The following TRAPPC9 variants were observed in gnomAD, a reference collection of about 807,000 sequenced individuals.
The protein encoded by TRAPPC9 is IKK2 binding protein.
Under a neutral mutation model 124.0 loss-of-function variants are expected in TRAPPC9, and 83 were observed. The observed-to-expected ratio is 0.67, with a 90% CI of 0.56 to 0.80. The LOEUF (loss-of-function observed/expected upper bound fraction) is 0.80, where lower values mean the gene tolerates loss of function less well. Among genes scored for constraint, TRAPPC9 ranks in the 30% least tolerant of loss-of-function variants. TRAPPC9 has a pLI of 0.00. For missense variants in TRAPPC9, 1,302 were observed against 1,508.3 expected, an observed-to-expected ratio of 0.86 and a Z score of 2.27; for synonymous variants, 638 against 617.5, an observed-to-expected ratio of 1.03 and a Z score of -0.49.
chr8:139,777,803 C>A (rs1276588499), intron 21 of TRAPPC9, among the ~76,000 whole-genome samples: 1 of 152,156 alleles, frequency 6.6e-6, no homozygotes, highest in Non-Finnish European at 1.5e-5. Flanking sequence ...AGAGAAAAGA[C>A]ACAAATGAAG....
chr8:140,330,271 AG>A (rs1247176416), intron 9 of TRAPPC9, among the ~76,000 whole-genome samples: 2 of 152,180 alleles, frequency 1.3e-5, no homozygotes, highest in Non-Finnish European at 2.9e-5. Flanking sequence ...ATATACATCC[AG>A]GTAGCATAAT....
intron 17 of TRAPPC9, among the ~76,000 whole-genome samples, chr8:140,033,670 T>TTTTTTG (rs1563706719): frequency 5.4e-4 from 42 of 78,242 alleles, no homozygotes; most frequent in South Asian, 1.4e-3. Flanking sequence ...TTTTTTTTTT[T>TTTTTTG]TTTTTTTTTT....
At chr8:140,263,995 T>C (rs561392610) in intron 15 of TRAPPC9, among the ~76,000 whole-genome samples, 117 of 152,168 alleles carry the variant, frequency 7.7e-4, no homozygotes, top group Middle Eastern at 6.8e-3. Flanking sequence ...CCCAAGACAC[T>C]CCACTCTATG....
chr8:139,976,302 T>C (rs1196876583), intron 19 of TRAPPC9, among the ~76,000 whole-genome samples: 7 of 152,148 alleles, frequency 4.6e-5, no homozygotes, highest in Admixed American at 4.6e-4. Context: ...ATTATGGACA[T>C]AAATGTAAGA....
chr8:140,080,909 G>T (rs1234703337), intron 17 of TRAPPC9, among the ~76,000 whole-genome samples: 1 of 152,172 alleles, frequency 6.6e-6, no homozygotes, highest in African/African-American at 2.4e-5. Context: ...AGAGCACAAA[G>T]GGTTTCATGT....
At chr8:140,435,059 G>C in intron 4 of TRAPPC9, 53 bp downstream of exon 4, 1 of 1,613,540 alleles carries the variant, frequency 6.2e-7, no homozygotes, top group South Asian at 1.1e-5. Flanking sequence ...AAATGAGTCT[G>C]CTTTATTTAA....
intron 21 of TRAPPC9, among the ~76,000 whole-genome samples, chr8:139,755,754 AG>A (rs71520231): frequency 7.4e-6 from 1 of 135,740 alleles, no homozygotes. Flanking sequence ...AGCAGGTCGC[AG>A]GGGGAGCCAG....
At chr8:139,839,094 G>C (rs1171809144) in intron 21 of TRAPPC9, among the ~76,000 whole-genome samples, 1 of 152,222 alleles carries the variant, frequency 6.6e-6, no homozygotes, top group Non-Finnish European at 1.5e-5. Context: ...TCTCCCTCAG[G>C]GTGCATCTTT....
At chr8:139,983,724 G>A (rs924438242) in intron 19 of TRAPPC9, among the ~76,000 whole-genome samples, 1 of 152,090 alleles carries the variant, frequency 6.6e-6, no homozygotes, top group African/African-American at 2.4e-5. Context: ...ACCAAAGGCT[G>A]CACAGAGCAG....
chr8:139,770,294 G>A (rs988089968), intron 21 of TRAPPC9, among the ~76,000 whole-genome samples: 6 of 152,220 alleles, frequency 3.9e-5, no homozygotes, highest in African/African-American at 7.2e-5. Flanking sequence ...CTGGGACCTC[G>A]ACCTGAAGAA....
At position 140,257,177 on chromosome 8, in the gene TRAPPC9, T is replaced by C. The variant is rs145698632; in HGVS notation, c.2279-4248A>G. On this transcript the variant is annotated intron_variant, in intron 15 of 22. Transcript: ENST00000438773. This position sits in a 1 kb window ranked among gnomAD's most constrained non-coding sequence, Gnocchi z 4.6. ...CCATATGCCAGCATTATCCACATCA[T>C]ATGAATGAGCAAACTAGAGTTCAGA... Among the ~76,000 whole-genome samples, 245 of 152,318 alleles carry C rather than the reference T, an allele frequency of 1.6e-3. No homozygotes were observed. The highest frequency in any genetic ancestry group is 5.6e-3 in the Admixed American group (86 of 15,304).
At chr8:139,812,901 A>G (rs188135040) in intron 21 of TRAPPC9, among the ~76,000 whole-genome samples, 1 of 152,292 alleles carries the variant, frequency 6.6e-6, no homozygotes, top group East Asian at 1.9e-4. Context: ...GGTTAAAAAC[A>G]CCGAGTGTGT....
At chr8:140,172,372 A>C (rs1053615370) in intron 17 of TRAPPC9, among the ~76,000 whole-genome samples, 2 of 143,746 alleles carry the variant, frequency 1.4e-5, no homozygotes, top group Non-Finnish European at 3.0e-5. Context: ...ATGGAGGGGG[A>C]GTTAAACTAC....
intron 17 of TRAPPC9, among the ~76,000 whole-genome samples, chr8:140,074,225 A>G (rs937722090): frequency 4.0e-5 from 6 of 150,864 alleles, no homozygotes; most frequent in Admixed American, 2.0e-4. Flanking sequence ...TCCTGACAAG[A>G]CTCCTCCTCC....
intron 17 of TRAPPC9, among the ~76,000 whole-genome samples, chr8:140,037,177 C>T (rs1563710763): frequency 6.6e-6 from 1 of 152,096 alleles, no homozygotes; most frequent in Non-Finnish European, 1.5e-5. Flanking sequence ...GCTGCCCGGG[C>T]TCAGACCCCA....
intron 21 of TRAPPC9, among the ~76,000 whole-genome samples, chr8:139,845,751 C>T (rs922417857): frequency 6.6e-6 from 1 of 152,192 alleles, no homozygotes; most frequent in Non-Finnish European, 1.5e-5. Flanking sequence ...GTCTGCCTCT[C>T]GATTTTAATG....
intron 19 of TRAPPC9, among the ~76,000 whole-genome samples, chr8:139,946,408 G>A (rs187930485): frequency 1.1e-3 from 165 of 151,474 alleles, no homozygotes; most frequent in African/African-American, 3.9e-3. Flanking sequence ...TCAATGGCTG[G>A]TATATAGCAG....
intron 17 of TRAPPC9, among the ~76,000 whole-genome samples, chr8:140,089,837 T>C (rs1463872813): frequency 1.3e-5 from 2 of 151,888 alleles, no homozygotes; most frequent in Non-Finnish European, 2.9e-5. Flanking sequence ...CCCAACACTT[T>C]GGGAGGCCGA....
chr8:140,096,368 G>T (rs1004975768), intron 17 of TRAPPC9: 31 of 152,214 alleles, frequency 2.0e-4, no homozygotes, highest in African/African-American at 7.5e-4. Flanking sequence ...ATTTCACTTA[G>T]ATGTTAACAG....
Sources: allele counts gnomAD v4.1 joint callset (sites outside exome capture counted in the v4.1 genomes callset), GRCh38; gene constraint gnomAD v4.1.1; non-coding constraint Gnocchi (gnomAD v3.1); transcripts MANE v1.5; gene names NCBI Gene and HGNC (gene_info 2026-07-23, HGNC 2026-07-21).